Variants in DNAI2 observed in about 807,000 individuals in gnomAD.
DNAI2 encodes dynein axonemal intermediate chain 2.
DNAI2 carries 63 observed loss-of-function variants against 74.7 expected under a neutral mutation model. The ratio of observed to expected loss-of-function variants is 0.84; its 90% CI spans 0.69 to 1.04. The LOEUF is 1.04. Ranked by LOEUF, DNAI2 falls within the 50% of genes least tolerant of loss-of-function variation. DNAI2 has a pLI of 0.00. For synonymous variants in DNAI2, 289 were observed against 314.9 expected (o/e 0.92, Z 0.87); for missense variants, 688 against 803.2 (o/e 0.86, Z 1.73).
At chr17:74,301,005 A>C (rs1038006027) in intron 7 of DNAI2, 41 bp from the exon 8 acceptor site, 1 of 1,611,874 alleles carries the variant, frequency 6.2e-7, no homozygotes, top group Non-Finnish European at 8.5e-7. Context: ...CAGGGGAAAT[A>C]CAGGGCCTCG....
chr17:74,293,747 A>G (rs949082368), intron 6 of DNAI2, among the ~76,000 whole-genome samples: 3 of 151,692 alleles, frequency 2.0e-5, no homozygotes, highest in Admixed American at 2.0e-4. Flanking sequence ...TGTCTCTTGT[A>G]GATTACATGT....
At chr17:74,278,426 T>A (rs548087247) in intron 1 of DNAI2, among the ~76,000 whole-genome samples, 1 of 152,296 alleles carries the variant, frequency 6.6e-6, no homozygotes, top group Non-Finnish European at 1.5e-5. Flanking sequence ...CAAGACACTG[T>A]CTCATAAAAA....
chr17:74,305,145 C>T (rs1283541824), intron 8 of DNAI2, 74 bp from the exon 9 acceptor site: 20 of 1,522,970 alleles, frequency 1.3e-5, no homozygotes, highest in Non-Finnish European at 1.8e-5. Context: ...CCCAAGCAAG[C>T]TCCTGTCCAT....
chr17:74,294,074 C>T (rs1038405237), intron 6 of DNAI2, among the ~76,000 whole-genome samples: 3 of 152,168 alleles, frequency 2.0e-5, no homozygotes, highest in South Asian at 2.1e-4. Context: ...TGAGCCACCA[C>T]GCCCAGCTTG....
At chr17:74,297,553 T>G (rs2052523106) in intron 6 of DNAI2, among the ~76,000 whole-genome samples, 1 of 152,138 alleles carries the variant, frequency 6.6e-6, no homozygotes, top group African/African-American at 2.4e-5. Context: ...GGCTAATTTT[T>G]GTATTTTTAA....
chr17:74,299,900 G>A, intron 7 of DNAI2, 43 bp downstream of exon 7: 7 of 1,611,402 alleles, frequency 4.3e-6, no homozygotes, highest in African/African-American at 1.3e-5. Flanking sequence ...GAAGGGAGGG[G>A]CAGTAACTGT....
chr17:74,309,419 G>A, intron 10 of DNAI2, 31 bp downstream of exon 10: 1 of 1,613,946 alleles, frequency 6.2e-7, no homozygotes, highest in Non-Finnish European at 8.5e-7. Flanking sequence ...TGTGCATCCA[G>A]GTCCTCAGGG....
rs116819123 is a variant in DNAI2 at position 74,311,676 on chromosome 17, C to T, written c.1495-327C>T. On this transcript the variant is annotated intron_variant, in intron 11 of 13. Coordinates refer to ENST00000311014, the MANE Select transcript of DNAI2 (RefSeq NM_023036.6). ...CTGAGGCCTGGAGAGCCTCCTGGCTCTGCCTGAGACTGGGATCTCACCATT... is the reference window on the plus strand; with the variant it reads ...CTGAGGCCTGGAGAGCCTCCTGGCTTTGCCTGAGACTGGGATCTCACCATT... Among the ~76,000 whole-genome samples, 1,459 of 152,294 alleles carry T rather than the reference C, an allele frequency of 9.6e-3. 24 individuals carry two copies. The highest frequency in any genetic ancestry group is 0.034 in the African/African-American group (1,396 of 41,560).
At chr17:74,309,012 G>A (rs1024425012) in intron 9 of DNAI2, among the ~76,000 whole-genome samples, 2 of 143,158 alleles carry the variant, frequency 1.4e-5, no homozygotes, top group African/African-American at 5.3e-5. Flanking sequence ...GCAGTGAGCC[G>A]ACATCGTACC....
intron 6 of DNAI2, among the ~76,000 whole-genome samples, chr17:74,292,287 A>G (rs1039308904): frequency 6.6e-6 from 1 of 151,344 alleles, no homozygotes; most frequent in Non-Finnish European, 1.5e-5. Context: ...TCCTCTTCAC[A>G]TTTTCTGTTT....
intron 9 of DNAI2, among the ~76,000 whole-genome samples, chr17:74,308,956 G>A (rs762731907): frequency 1.6e-4 from 24 of 151,678 alleles, no homozygotes; most frequent in Non-Finnish European, 3.2e-4. Flanking sequence ...CCAGTTACTC[G>A]GGAGGCTGAG....
chr17:74,275,578 C>A (rs2051018514), intron 1 of DNAI2, among the ~76,000 whole-genome samples: 1 of 152,080 alleles, frequency 6.6e-6, no homozygotes, highest in South Asian at 2.1e-4. Context: ...TACAAAAATT[C>A]TGGCCGGGTG....
At chr17:74,293,933 G>A (rs2052278160) in intron 6 of DNAI2, among the ~76,000 whole-genome samples, 1 of 148,598 alleles carries the variant, frequency 6.7e-6, no homozygotes, top group South Asian at 2.1e-4. Context: ...ACAGGTGCAT[G>A]CCACCACGCC....
At position 74,291,041 on chromosome 17, in the gene DNAI2, T is replaced by G. The variant is rs2052060026; in HGVS notation, c.632T>G (p.Leu211Arg). The G allele has an allele frequency of 6.2e-7, 1 of 1,614,078 alleles. No homozygotes were observed. The highest frequency in any genetic ancestry group is 1.7e-5 in the Admixed American group (1 of 59,998). Reference protein sequence around the residue: ...WDLENPNKPELALKPSSPLVT... With the variant: ...WDLENPNKPERALKPSSPLVT... ...ATAGAAAACCCCAACAAGCCTGAAC[T>G]TGCTCTGAAGCCATCGTCTCCACTC... Residue 211 changes from leucine to arginine, a missense_variant, in exon 6 of 14, where the codon CTT becomes CGT. Transcript: ENST00000311014.
chr17:74,289,491 C>T, intron 4 of DNAI2, 103 bp from the exon 5 acceptor site: 1 of 1,470,786 alleles, frequency 6.8e-7, no homozygotes, highest in Non-Finnish European at 9.3e-7. Context: ...TATGCCACTG[C>T]CTGGGGGACA....
Position 74,299,684 on chromosome 17 carries a change from C to T in DNAI2, c.725-34C>T, listed in dbSNP as rs374316836. The T allele has an allele frequency of 1.4e-5, 22 of 1,612,790 alleles. No individual in the cohort carries two copies. In the East Asian group the frequency reaches 1.8e-4, roughly 13 times the overall value. On this transcript the variant is annotated intron_variant, in intron 6 of 13. Transcript: ENST00000311014. ...GCCCTAAGGAAGGAAGCCTGTGCCC[C>T]CTTCCACTCCTTCTTCATCTCCTTC...
intron 8 of DNAI2, 149 bp downstream of exon 8, chr17:74,301,317 G>A (rs760278899): frequency 1.8e-5 from 22 of 1,199,164 alleles, no homozygotes; most frequent in Non-Finnish European, 2.7e-5. Context: ...GACGTGTGTG[G>A]CCTTTACAAC....
rs559291415 is a variant in DNAI2 at position 74,290,492 on chromosome 17, C to T, written c.611-528C>T. Among the ~76,000 whole-genome samples, 5 of 152,308 alleles carry T rather than the reference C, an allele frequency of 3.3e-5. No homozygotes were observed. In the East Asian group the frequency reaches 9.7e-4, roughly 29 times the overall value. Reference sequence around the variant, plus strand: ...TGTCTACAGAAGGGCTGGCAAGACACAGGCAGGGACAGGGTGGTGGTGGCT... The same window carrying T: ...TGTCTACAGAAGGGCTGGCAAGACATAGGCAGGGACAGGGTGGTGGTGGCT... On this transcript the variant is annotated intron_variant, in intron 5 of 13. Transcript: ENST00000311014.
chr17:74,275,299 T>TG (rs1160992011), intron 1 of DNAI2, among the ~76,000 whole-genome samples: 3 of 152,112 alleles, frequency 2.0e-5, no homozygotes, highest in African/African-American at 7.2e-5. Context: ...TCACTTTCCT[T>TG]GGGGGGCTCA....
Sources: gnomAD v4.1 joint callset for allele counts (sites outside exome capture counted in the v4.1 genomes callset) on GRCh38, gnomAD v4.1.1 for gene constraint, MANE v1.5 for transcripts, NCBI Gene and HGNC (gene_info 2026-07-23, HGNC 2026-07-21) for gene names.